The following INSR variants were observed in gnomAD, a reference collection of about 807,000 sequenced individuals.
INSR encodes insulin receptor.
In INSR, 67 loss-of-function variants were observed where a neutral mutation model predicts 142.6. That is an observed-to-expected ratio of 0.47 (90% confidence interval 0.39 to 0.58). The LOEUF (loss-of-function observed/expected upper bound fraction) is 0.58. Among genes scored for constraint, INSR ranks in the 20% least tolerant of loss-of-function variants. The probability of loss-of-function intolerance (pLI) is 0.00; values close to 1 mark genes in which losing one functional copy is unlikely to be tolerated. For missense variants in INSR, 1,248 were observed against 1,833.2 expected, an observed-to-expected ratio of 0.68 and a Z score of 5.83; for synonymous variants, 756 against 743.1, an observed-to-expected ratio of 1.02 and a Z score of -0.28.
In INSR at chr19:7,192,307, G is replaced by GAAAAGAAAAGAAAAGA. The variant is rs1555748612; in HGVS notation, c.653-7671_653-7670insTCTTTTCTTTTCTTTT. Among the ~76,000 whole-genome samples the GAAAAGAAAAGAAAAGA allele has an allele frequency of 3.9e-4, 50 of 128,338 alleles. No individual in the cohort carries two copies. Among genetic ancestry groups the GAAAAGAAAAGAAAAGA allele is most frequent in the African/African-American group, 1.3e-3 (44 of 32,762 alleles). The allele number at this position is 128,338 out of a possible 152,430, so 84.2% of individuals were successfully genotyped here. ...GAAAAGAAAAGAAAAGAAAAGAAAAGAAAAAAATCACAGGCAGCCCAGGCT... is the reference window on the plus strand; with the variant it reads ...GAAAAGAAAAGAAAAGAAAAGAAAAGAAAAGAAAAGAAAAGAAAAAAAATCACAGGCAGCCCAGGCT... On this transcript the variant is annotated intron_variant, in intron 2 of 21. Coordinates refer to ENST00000302850, the MANE Select transcript of INSR (RefSeq NM_000208.4). The surrounding 1 kb of genome is among the most constrained non-coding windows in gnomAD (Gnocchi z 4.2).
intron 4 of INSR, 130 bp from the exon 5 acceptor site, chr19:7,172,564 T>A (rs1360114734): frequency 1.0e-6 from 1 of 994,336 alleles, no homozygotes; most frequent in African/African-American, 1.6e-5. Flanking sequence ...CTCATCATGC[T>A]TAGAACACAA....
At chr19:7,230,453 G>A (rs1975934820) in intron 2 of INSR, among the ~76,000 whole-genome samples, 1 of 152,210 alleles carries the variant, frequency 6.6e-6, no homozygotes, top group South Asian at 2.1e-4. Context: ...GGTCACTGAG[G>A]CGATGACAGG....
Position 7,154,427 on chromosome 19 carries a change from T to C in INSR, c.2030-1500A>G, listed in dbSNP as rs1393192974. ...ATGGCATTCTCCTGCCTCAGCCTCC[T>C]GAGTAGCTGGGACTACAGGCGGCCG... is the stretch of plus-strand genomic sequence containing the variant. On this transcript the variant is annotated intron_variant, in intron 9 of 21. Transcript: ENST00000302850. Among the ~76,000 whole-genome samples the C allele has an allele frequency of 4.8e-5, 7 of 146,770 alleles. No individual in the cohort carries two copies. The East Asian group carries it at 1.3e-3, about 28-fold the overall frequency.
chr19:7,155,429 T>TCC (rs1973564539), intron 9 of INSR, among the ~76,000 whole-genome samples: 1 of 151,548 alleles, frequency 6.6e-6, no homozygotes, highest in African/African-American at 2.4e-5. Flanking sequence ...TCCCAGCTAC[T>TCC]TGGGAGGCTG....
At chr19:7,148,075 G>A (rs536633534) in intron 11 of INSR, among the ~76,000 whole-genome samples, 14 of 151,998 alleles carry the variant, frequency 9.2e-5, no homozygotes, top group African/African-American at 2.2e-4. Context: ...CATCATGCCC[G>A]GCTAATTTTT....
chr19:7,265,532 C>G (rs770887030), intron 2 of INSR, among the ~76,000 whole-genome samples: 1 of 152,012 alleles, frequency 6.6e-6, no homozygotes, highest in Non-Finnish European at 1.5e-5. Context: ...CCTGAGAGTT[C>G]GAGACCAGCC....
In INSR at chr19:7,119,896, A is replaced by G. The variant is rs1319094258; in HGVS notation, c.3660-313T>C. On this transcript the variant is annotated intron_variant, in intron 20 of 21. Coordinates refer to ENST00000302850, the MANE Select transcript of INSR (RefSeq NM_000208.4). This position sits in a 1 kb window ranked among gnomAD's most constrained non-coding sequence, Gnocchi z 5.2. ...CACACAAACACACATATGCACACAC[A>G]TACACACACAAACACACACACAAAC... is the stretch of plus-strand genomic sequence containing the variant. Among the ~76,000 whole-genome samples, 1 of 151,982 alleles carries G rather than the reference A, an allele frequency of 6.6e-6. No homozygotes were observed. Among genetic ancestry groups the G allele is most frequent in the Non-Finnish European group, 1.5e-5 (1 of 67,960 alleles).
intron 9 of INSR, among the ~76,000 whole-genome samples, chr19:7,156,548 C>A (rs1335587215): frequency 6.6e-6 from 1 of 152,080 alleles, no homozygotes; most frequent in Non-Finnish European, 1.5e-5. Context: ...ACCAGAGATG[C>A]TGCTGAGCAC....
rs563243860 is a variant in INSR at position 7,270,225 on chromosome 19, G to A, written c.101-2329C>T. Among the ~76,000 whole-genome samples, 6 of 152,026 alleles carry A rather than the reference G, an allele frequency of 3.9e-5. No homozygotes were observed. The East Asian group carries it at 1.2e-3, about 29-fold the overall frequency. On this transcript the variant is annotated intron_variant, in intron 1 of 21. Transcript: ENST00000302850. ...AGCCTCCCAAATTGCTGGGATTACG[G>A]GCATAAACCACCATGCCTGGCTGGC...
intron 2 of INSR, among the ~76,000 whole-genome samples, chr19:7,214,000 A>T (rs1234154746): frequency 6.6e-6 from 1 of 152,016 alleles, no homozygotes; most frequent in Non-Finnish European, 1.5e-5. Context: ...AAAAAAAAAA[A>T]GGAAATGGGA....
intron 1 of INSR, 45 bp downstream of exon 1, chr19:7,293,747 C>T (rs1208991850): frequency 7.7e-7 from 1 of 1,303,360 alleles, no homozygotes; most frequent in Non-Finnish European, 9.8e-7. Context: ...GGGGTCCTCT[C>T]CCCATCGCGG....
chr19:7,212,997 C>A (rs919720576), intron 2 of INSR, among the ~76,000 whole-genome samples: 1 of 152,062 alleles, frequency 6.6e-6, no homozygotes, highest in Non-Finnish European at 1.5e-5. Context: ...AATTAGAGTC[C>A]TTTTTCAGCT....
Position 7,250,657 on chromosome 19 carries a change from T to TA in INSR, c.652+16687dup, listed in dbSNP as rs532588805. ...AGATGAGAGTTCGGGCAACCGTGTT[T>TA]AAAAAACGGTGTGTTTTTCTTTAAA... On this transcript the variant is annotated intron_variant, in intron 2 of 21. Coordinates refer to ENST00000302850, the MANE Select transcript of INSR (RefSeq NM_000208.4). 1.7e-4 allele frequency among the ~76,000 whole-genome samples: 26 copies of TA among 151,068 alleles called. No individual in the cohort carries two copies. In the East Asian group the frequency reaches 4.9e-3, roughly 28 times the overall value.
At chr19:7,255,299 A>G (rs552465312) in intron 2 of INSR, among the ~76,000 whole-genome samples, 2 of 151,872 alleles carry the variant, frequency 1.3e-5, no homozygotes, top group African/African-American at 4.8e-5. Context: ...AAGGCTGTCC[A>G]CTCAGTATTG....
intron 2 of INSR, among the ~76,000 whole-genome samples, chr19:7,210,703 A>G (rs1188377076): frequency 6.6e-6 from 1 of 152,092 alleles, no homozygotes; most frequent in Non-Finnish European, 1.5e-5. Flanking sequence ...ATATAAATAT[A>G]TATGTATATA....
rs189352913 is a variant in INSR at position 7,113,873 on chromosome 19, G to A, written c.*3183C>T. On this transcript the variant is annotated 3_prime_UTR_variant, in exon 22 of 22. Transcript: ENST00000302850. ...CCAGCACACCCTACCTTTCTCCAGGGCAGGTGGAGAAAGGTGAGTCTGCAA... is the reference window on the plus strand; with the variant it reads ...CCAGCACACCCTACCTTTCTCCAGGACAGGTGGAGAAAGGTGAGTCTGCAA... 2.0e-5 allele frequency: 3 copies of A among 152,058 alleles called. No homozygotes were observed. Among genetic ancestry groups the A allele is most frequent in the Non-Finnish European group, 1.5e-5 (1 of 68,006 alleles). The allele number at this position is 152,058 out of a possible 1,614,324, so 9.4% of individuals were successfully genotyped here.
chr19:7,236,889 T>C (rs1425327795), intron 2 of INSR, among the ~76,000 whole-genome samples: 1 of 151,688 alleles, frequency 6.6e-6, no homozygotes, highest in Non-Finnish European at 1.5e-5. Flanking sequence ...TAGCCAGGCA[T>C]GGTGGCAGGC....
intron 9 of INSR, among the ~76,000 whole-genome samples, chr19:7,158,418 G>T (rs993754270): frequency 1.3e-5 from 2 of 152,046 alleles, no homozygotes; most frequent in Non-Finnish European, 2.9e-5. Flanking sequence ...GGAGAATGGC[G>T]TGAACCCGGG....
In INSR at chr19:7,265,872, T is replaced by C. The variant is rs572558798; in HGVS notation, c.652+1473A>G. ...GAACTCCATAAACATTTTAAGCTTC[T>C]CCAGCAAAACACTTCCCAGAGCATT... On this transcript the variant is annotated intron_variant, in intron 2 of 21. Coordinates refer to ENST00000302850, the MANE Select transcript of INSR (RefSeq NM_000208.4). Among the ~76,000 whole-genome samples, 3 of 152,244 alleles carry C rather than the reference T, an allele frequency of 2.0e-5. No homozygotes were observed. In the East Asian group the frequency reaches 5.8e-4, roughly 29 times the overall value.
Sources: gnomAD v4.1 joint callset for allele counts (sites outside exome capture counted in the v4.1 genomes callset) on GRCh38, gnomAD v4.1.1 for gene constraint, Gnocchi (gnomAD v3.1) non-coding constraint, MANE v1.5 for transcripts, NCBI Gene and HGNC (gene_info 2026-07-23, HGNC 2026-07-21) for gene names.